Variants in CAPN14 observed in about 807,000 individuals in gnomAD.
The protein encoded by CAPN14 is calpain-14.
Under a neutral mutation model 101.3 loss-of-function variants are expected in CAPN14, and 94 were observed. The observed-to-expected ratio is 0.93, with a 90% CI of 0.79 to 1.10. The LOEUF is 1.10. Ranked by LOEUF, CAPN14 falls within the 50% of genes least tolerant of loss-of-function variation. CAPN14 has a pLI of 0.00. For missense variants in CAPN14, 837 were observed against 828.4 expected, an observed-to-expected ratio of 1.01 and a Z score of -0.13; for synonymous variants, 338 against 317.9, an observed-to-expected ratio of 1.06 and a Z score of -0.67.
intron 1 of CAPN14, among the ~76,000 whole-genome samples, chr2:31,216,143 C>T (rs964914834): frequency 1.7e-4 from 26 of 152,142 alleles, no homozygotes; most frequent in African/African-American, 5.1e-4. Context: ...ATGAGATTCA[C>T]AAACAATATT....
At chr2:31,223,115 T>A (rs1682908610) in intron 2 of CAPN14, among the ~76,000 whole-genome samples, 1 of 152,210 alleles carries the variant, frequency 6.6e-6, no homozygotes, top group Non-Finnish European at 1.5e-5. Flanking sequence ...TGTCTATTGT[T>A]TATAAGCCAC....
chr2:31,190,131 T>C (rs1478421055), intron 12 of CAPN14, among the ~76,000 whole-genome samples: 1 of 116,502 alleles, frequency 8.6e-6, no homozygotes, highest in African/African-American at 4.1e-5. Context: ...CTTTATCTGA[T>C]TCATATTCTC....
At position 31,228,428 on chromosome 2, in the gene CAPN14, G is replaced by A. The variant is rs1385782425; in HGVS notation, c.-176-1777C>T. The A allele has an allele frequency of 1.3e-5, 2 of 152,182 alleles. 1 individual carries two copies. The highest frequency in any genetic ancestry group is 3.9e-4 in the East Asian group (2 of 5,188). 9.4% of individuals were successfully genotyped at this position (152,182 alleles called of 1,614,324 possible). A position where few individuals can be genotyped will look rare whatever the true frequency, so the allele number is the denominator to read the frequency against. On this transcript the variant is annotated intron_variant and NMD_transcript_variant, in intron 1 of 21. Transcript: ENST00000398824. Reference sequence around the variant, plus strand: ...AACAGAAGAGATGGAAAAGTCTTCTGTTTCATAGTGTCACCCCTAAGAACC... The same window carrying A: ...AACAGAAGAGATGGAAAAGTCTTCTATTTCATAGTGTCACCCCTAAGAACC...
chr2:31,177,538 G>T (rs1347048604), intron 19 of CAPN14, among the ~76,000 whole-genome samples: 1 of 152,208 alleles, frequency 6.6e-6, no homozygotes, highest in Non-Finnish European at 1.5e-5. Flanking sequence ...GATTAAATAA[G>T]AAGTTGAATG....
At position 31,203,413 on chromosome 2, in the gene CAPN14, T is replaced by A. The variant is rs1264310222; in HGVS notation, c.226-274A>T. On this transcript the variant is annotated intron_variant, in intron 2 of 21. Coordinates refer to ENST00000403897, the MANE Select transcript of CAPN14 (RefSeq NM_001145122.2). ...ATACCAAAAATGCCTTTTCTTAGAG[T>A]TTCTATTAAAAATGGAAACACTTTT... 2.0e-5 allele frequency among the ~76,000 whole-genome samples: 3 copies of A among 152,184 alleles called. No individual in the cohort carries two copies. In the East Asian group the frequency reaches 5.8e-4, roughly 29 times the overall value.
rs1188678141 is a variant in CAPN14 at position 31,173,849 on chromosome 2, T to A, written c.*832A>T. The A allele has an allele frequency of 6.6e-6, 1 of 152,212 alleles. No individual in the cohort carries two copies. The highest frequency in any genetic ancestry group is 1.5e-5 in the Non-Finnish European group (1 of 68,034). 9.4% of individuals were successfully genotyped at this position (152,212 alleles called of 1,614,324 possible). A position where few individuals can be genotyped will look rare whatever the true frequency, so the allele number is the denominator to read the frequency against. On this transcript the variant is annotated 3_prime_UTR_variant, in exon 22 of 22. Transcript: ENST00000403897. Reference sequence around the variant, plus strand: ...TTTCATGGTAGTTCAAAAAATCAGATATACCAACCACCCACTGATTGACTC... The same window carrying A: ...TTTCATGGTAGTTCAAAAAATCAGAAATACCAACCACCCACTGATTGACTC...
upstream of CAPN14, among the ~76,000 whole-genome samples, chr2:31,221,174 CA>C (rs1296894221): frequency 1.3e-5 from 2 of 152,178 alleles, no homozygotes; most frequent in Non-Finnish European, 2.9e-5. Flanking sequence ...AAAATAAACA[CA>C]GACAAGCTAT....
intron 1 of CAPN14, among the ~76,000 whole-genome samples, chr2:31,216,771 G>A (rs1360066253): frequency 6.6e-6 from 1 of 152,136 alleles, no homozygotes; most frequent in East Asian, 1.9e-4. Flanking sequence ...GCTTTGAGGA[G>A]TGATTTCCAG....
chr2:31,221,490 T>A (rs919573026), upstream of CAPN14, among the ~76,000 whole-genome samples: 1 of 152,220 alleles, frequency 6.6e-6, no homozygotes, highest in African/African-American at 2.4e-5. Context: ...GTTCCTGATA[T>A]CATTTTCTCC....
chr2:31,211,867 A>T lies in CAPN14; in HGVS notation c.-53+5589T>A, dbSNP rs144237186. Reference sequence around the variant, plus strand: ...TGTGTTTAATAAAAATACAATATTTAAAAAAAAGCAAGTCAGTGGTTACCT... The same window carrying T: ...TGTGTTTAATAAAAATACAATATTTTAAAAAAAGCAAGTCAGTGGTTACCT... On this transcript the variant is annotated intron_variant, in intron 1 of 21. Coordinates refer to ENST00000403897, the MANE Select transcript of CAPN14 (RefSeq NM_001145122.2). Among the ~76,000 whole-genome samples, 32 of 152,158 alleles carry T rather than the reference A, an allele frequency of 2.1e-4. 1 individual carries two copies. The East Asian group carries it at 4.0e-3, about 19-fold the overall frequency.
intron 1 of CAPN14, among the ~76,000 whole-genome samples, chr2:31,233,099 T>C (rs1302185714): frequency 6.6e-6 from 1 of 152,204 alleles, no homozygotes; most frequent in Non-Finnish European, 1.5e-5. Flanking sequence ...GATAATATGA[T>C]CTGCCATGAA....
intron 5 of CAPN14, among the ~76,000 whole-genome samples, chr2:31,200,946 G>A (rs918058526): frequency 1.3e-5 from 2 of 152,150 alleles, no homozygotes; most frequent in African/African-American, 2.4e-5. Flanking sequence ...CTCAACTAGT[G>A]CCTGCTTGCT....
intron 11 of CAPN14, 36 bp downstream of exon 11, chr2:31,191,899 T>C (rs1681202652): frequency 6.6e-7 from 1 of 1,506,198 alleles, no homozygotes; most frequent in African/African-American, 1.4e-5. Context: ...CCCCCACGCT[T>C]GGTCCCATGC....
intron 1 of CAPN14, among the ~76,000 whole-genome samples, chr2:31,207,539 G>A (rs1682165344): frequency 1.3e-5 from 2 of 152,164 alleles, no homozygotes; most frequent in African/African-American, 2.4e-5. Flanking sequence ...AAGCCAAGGT[G>A]GGCAAATCAC....
chr2:31,181,647 T>G (rs1210062796), intron 16 of CAPN14, among the ~76,000 whole-genome samples: 1 of 146,582 alleles, frequency 6.8e-6, no homozygotes, highest in Non-Finnish European at 1.5e-5. Flanking sequence ...GCATTAGGCA[T>G]ATCTCCTAAT....
chr2:31,174,575 T>A lies in CAPN14; in HGVS notation c.*106A>T, dbSNP rs79322439. The A allele has an allele frequency of 8.1e-3, 9,724 of 1,203,976 alleles. 113 individuals are homozygous for A. The highest frequency in any genetic ancestry group is 0.028 in the African/African-American group (1,867 of 66,012). The allele number at this position is 1,203,976 out of a possible 1,614,324, so 74.6% of individuals were successfully genotyped here. A position where few individuals can be genotyped will look rare whatever the true frequency, so the allele number is the denominator to read the frequency against. ...CTGAGAAGGTGACGGCTAGTGAGGC[T>A]GTCCTGAAGATCAGTAAGTAGGGTG... is the stretch of plus-strand genomic sequence containing the variant. On this transcript the variant is annotated 3_prime_UTR_variant, in exon 22 of 22. Coordinates refer to ENST00000403897, the MANE Select transcript of CAPN14 (RefSeq NM_001145122.2).
chr2:31,202,969 G>T, intron 3 of CAPN14, 101 bp downstream of exon 3: 1 of 1,000,002 alleles, frequency 1.0e-6, no homozygotes, highest in Non-Finnish European at 1.5e-6. Context: ...CCTCTCTCCA[G>T]TGGGGATCTC....
At chr2:31,220,771 G>C (rs1442449263), upstream of CAPN14, among the ~76,000 whole-genome samples, 1 of 152,206 alleles carries the variant, frequency 6.6e-6, no homozygotes. Context: ...AGAGGTTGCA[G>C]TGAGCCAAGA....
chr2:31,208,399 C>A (rs1440147268), intron 1 of CAPN14, among the ~76,000 whole-genome samples: 2 of 152,186 alleles, frequency 1.3e-5, no homozygotes. Context: ...GGCTTCAGAA[C>A]CTCCCTCAGG....
Sources: allele counts gnomAD v4.1 joint callset (sites outside exome capture counted in the v4.1 genomes callset), GRCh38; gene constraint gnomAD v4.1.1; transcripts MANE v1.5; gene names NCBI Gene and HGNC (gene_info 2026-07-23, HGNC 2026-07-21).